The following HECW2 variants were observed in gnomAD, a reference collection of about 807,000 sequenced individuals.
The protein encoded by HECW2 is HECT, C2 and WW domain containing E3 ubiquitin protein ligase 2, also known as E3 ubiquitin-protein ligase HECW2.
Under a neutral mutation model 175.2 loss-of-function variants are expected in HECW2, and 61 were observed. The observed-to-expected ratio is 0.35, with a 90% CI of 0.28 to 0.43. The LOEUF (loss-of-function observed/expected upper bound fraction) is 0.43. HECW2 is among the 20% of genes least tolerant of loss of function. HECW2 has a pLI of 1.00. For synonymous variants in HECW2, 671 were observed against 731.0 expected, an observed-to-expected ratio of 0.92 and a Z score of 1.32; for missense variants, 1,524 against 2,000.5, an observed-to-expected ratio of 0.76 and a Z score of 4.54.
intron 21 of HECW2, among the ~76,000 whole-genome samples, chr2:196,233,910 A>T (rs1688146294): frequency 1.3e-5 from 2 of 152,116 alleles, no homozygotes; most frequent in South Asian, 4.1e-4. Context: ...ACTGAAGAAA[A>T]CTCCTTCAGA....
chr2:196,398,588 C>A (rs1269414200), intron 2 of HECW2, among the ~76,000 whole-genome samples: 4 of 152,176 alleles, frequency 2.6e-5, no homozygotes, highest in Non-Finnish European at 4.4e-5. Context: ...TATCTATGCA[C>A]CTCGAAGAAA....
chr2:196,421,887 T>A lies in HECW2; in HGVS notation c.292+11245A>T, dbSNP rs145073130. Among the ~76,000 whole-genome samples, 11 of 152,210 alleles carry A rather than the reference T, an allele frequency of 7.2e-5. No homozygotes were observed. In the East Asian group the frequency reaches 1.7e-3, roughly 24 times the overall value. On this transcript the variant is annotated intron_variant, in intron 2 of 28. Coordinates refer to ENST00000644978, the MANE Select transcript of HECW2 (RefSeq NM_001348768.2). The stretch of plus-strand genomic sequence containing the variant: ...CTTTGGCTACACCAACCTATGCAAT[T>A]TTCGAAAACCCATCTAATATCCAGG...
chr2:196,377,371 C>G (rs1428450325), intron 2 of HECW2, among the ~76,000 whole-genome samples: 1 of 152,148 alleles, frequency 6.6e-6, no homozygotes, highest in Non-Finnish European at 1.5e-5. Flanking sequence ...TAAAGACATA[C>G]CCGAAACTGG....
intron 1 of HECW2, among the ~76,000 whole-genome samples, chr2:196,579,816 T>G (rs1486518345): frequency 2.0e-5 from 3 of 152,138 alleles, no homozygotes; most frequent in Non-Finnish European, 4.4e-5. Context: ...AAAGCCTATA[T>G]GAGAACACAG....
At chr2:196,584,576 C>A (rs1298679346) in intron 1 of HECW2, among the ~76,000 whole-genome samples, 1 of 100,426 alleles carries the variant, frequency 1.0e-5, no homozygotes, top group Non-Finnish European at 2.0e-5. Context: ...ATGTGTAAAA[C>A]TCCCTATAAA....
chr2:196,289,081 G>A (rs1021036625), intron 14 of HECW2: 1 of 152,212 alleles, frequency 6.6e-6, no homozygotes, highest in Non-Finnish European at 1.5e-5. Flanking sequence ...TACACTAAGT[G>A]GTAAATTTTT....
intron 20 of HECW2, 72 bp from the exon 21 acceptor site, chr2:196,240,634 T>C: frequency 6.8e-6 from 9 of 1,328,676 alleles, no homozygotes; most frequent in Non-Finnish European, 8.9e-6. Context: ...CTTATCTTTC[T>C]AGAACATTTC....
chr2:196,267,165 G>T lies in HECW2; in HGVS notation c.3335+4028C>A, dbSNP rs141093080. Among the ~76,000 whole-genome samples, 158 of 152,240 alleles carry T rather than the reference G, an allele frequency of 1.0e-3. 1 individual carries two copies. Among genetic ancestry groups the T allele is most frequent in the Non-Finnish European group, 1.0e-3 (69 of 68,018 alleles). ...GGACTAGTAGGGAACAGATTTACTG[G>T]CTGGACTTAATAATCATATTAGAGG... On this transcript the variant is annotated intron_variant, in intron 17 of 28. Coordinates refer to ENST00000644978, the MANE Select transcript of HECW2 (RefSeq NM_001348768.2).
chr2:196,591,255 G>T (rs143451434), intron 1 of HECW2, among the ~76,000 whole-genome samples: 4 of 152,146 alleles, frequency 2.6e-5, no homozygotes, highest in African/African-American at 4.8e-5. Context: ...CAGAGTCTGC[G>T]GCCAAATGGT....
chr2:196,295,728 G>C (rs1690785754), intron 13 of HECW2, among the ~76,000 whole-genome samples: 1 of 152,202 alleles, frequency 6.6e-6, no homozygotes, highest in Non-Finnish European at 1.5e-5. Context: ...GCAAGAAGCA[G>C]TGGCAATTAA....
At chr2:196,473,705 A>T (rs866214242) in intron 1 of HECW2, among the ~76,000 whole-genome samples, 1 of 152,208 alleles carries the variant, frequency 6.6e-6, no homozygotes, top group Non-Finnish European at 1.5e-5. Context: ...ATAACTGCCA[A>T]CCAGTGCAGT....
intron 21 of HECW2, among the ~76,000 whole-genome samples, chr2:196,231,573 A>C (rs747639854): frequency 9.8e-4 from 149 of 152,264 alleles, no homozygotes; most frequent in Non-Finnish European, 2.0e-3. Flanking sequence ...AGAGTTGAGT[A>C]GGTGCCATAG....
chr2:196,576,337 G>A (rs1690561213), intron 1 of HECW2, among the ~76,000 whole-genome samples: 2 of 152,276 alleles, frequency 1.3e-5, no homozygotes, highest in Middle Eastern at 3.4e-3. Flanking sequence ...CCATCATTAA[G>A]TGATGCATGA....
chr2:196,374,901 G>C (rs1694006855), intron 2 of HECW2, among the ~76,000 whole-genome samples: 1 of 151,882 alleles, frequency 6.6e-6, no homozygotes, highest in South Asian at 2.1e-4. Flanking sequence ...AGTGGCTCAT[G>C]CCTGTAATGC....
chr2:196,380,595 T>C (rs949497458), intron 2 of HECW2, among the ~76,000 whole-genome samples: 10 of 152,222 alleles, frequency 6.6e-5, no homozygotes, highest in South Asian at 4.1e-4. Flanking sequence ...AAAGAAGCTA[T>C]GAGCCAGGTT....
At chr2:196,304,751 A>G (rs1435340487) in intron 13 of HECW2, among the ~76,000 whole-genome samples, 4 of 152,204 alleles carry the variant, frequency 2.6e-5, no homozygotes, top group Non-Finnish European at 5.9e-5. Flanking sequence ...ATTGTCCCAT[A>G]TATGAGTTTA....
intron 23 of HECW2, among the ~76,000 whole-genome samples, chr2:196,224,958 T>C (rs1026367258): frequency 6.6e-6 from 1 of 152,182 alleles, no homozygotes; most frequent in Non-Finnish European, 1.5e-5. Flanking sequence ...AAGAAGCATT[T>C]TGTTTGCTTT....
At chr2:196,203,964 T>C (rs2105763735) in intron 28 of HECW2, among the ~76,000 whole-genome samples, 1 of 152,318 alleles carries the variant, frequency 6.6e-6, no homozygotes, top group East Asian at 1.9e-4. Flanking sequence ...AATCTTAAAA[T>C]ATTTGTCTTT....
rs568333489 is a variant in HECW2 at position 196,325,460 on chromosome 2, C to G, written c.572-311G>C. 9.8e-5 allele frequency among the ~76,000 whole-genome samples: 15 copies of G among 152,304 alleles called. No individual in the cohort carries two copies. The East Asian group carries it at 1.9e-3, about 20-fold the overall frequency. ...CAAAAGTGAAGCCAAACCTTTAGCA[C>G]CACCTCACATCCCTAAACTGACTTT... On this transcript the variant is annotated intron_variant, in intron 5 of 28. Transcript: ENST00000644978.
Sources: gnomAD v4.1 joint callset for allele counts (sites outside exome capture counted in the v4.1 genomes callset) on GRCh38, gnomAD v4.1.1 for gene constraint, MANE v1.5 for transcripts, NCBI Gene and HGNC (gene_info 2026-07-23, HGNC 2026-07-21) for gene names.